The following ZNF701 variants were observed in gnomAD, a reference collection of about 807,000 sequenced individuals.
The protein encoded by ZNF701 is zinc finger protein 701.
ZNF701 carries 6 observed loss-of-function variants against 7.1 expected under a neutral mutation model. That is an observed-to-expected ratio of 0.84 (90% CI 0.46 to 1.66). The LOEUF (loss-of-function observed/expected upper bound fraction) is 1.66, where lower values mean the gene tolerates loss of function less well. ZNF701 is among the 40% of genes most tolerant of loss of function. ZNF701 has a pLI of 0.01. For missense variants in ZNF701, 541 were observed against 559.2 expected, an observed-to-expected ratio of 0.97 and a Z score of 0.33; for synonymous variants, 166 against 188.2, an observed-to-expected ratio of 0.88 and a Z score of 0.97.
chr19:52,597,109 A>C, the ZNF701 span: 7 of 1,006,280 alleles, frequency 7.0e-6, no homozygotes, highest in Non-Finnish European at 1.1e-5. Context: ...AAATGTGGTA[A>C]AATTTTCAGA....
chr19:52,580,602 A>T (rs2146991024), intron 3 of ZNF701, among the ~76,000 whole-genome samples: 1 of 152,270 alleles, frequency 6.6e-6, no homozygotes, highest in Admixed American at 6.5e-5. Flanking sequence ...CTTAACATGT[A>T]TTTCAATTCT....
chr19:52,571,929 G>T (rs1055103249), intron 1 of ZNF701, among the ~76,000 whole-genome samples: 5 of 151,932 alleles, frequency 3.3e-5, no homozygotes, highest in Non-Finnish European at 7.4e-5. Flanking sequence ...GTTCAAGCGA[G>T]TCTCCTGCCT....
intron 3 of ZNF701, among the ~76,000 whole-genome samples, chr19:52,579,121 A>G (rs114371582): frequency 0.062 from 8,963 of 143,782 alleles, 1,111 homozygotes; most frequent in African/African-American, 0.086. Flanking sequence ...AAAACACTGT[A>G]CATATATGTT....
chr19:52,595,140 C>T, the ZNF701 span, among the ~76,000 whole-genome samples: 1 of 152,094 alleles, frequency 6.6e-6, no homozygotes, highest in African/African-American at 2.4e-5. Context: ...CACCACCATG[C>T]CTGGCAAATT....
the ZNF701 span, chr19:52,596,162 A>G: frequency 1.4e-6 from 1 of 700,416 alleles, no homozygotes; most frequent in Non-Finnish European, 2.5e-6. Context: ...CTCATGTTTA[A>G]GGAGACATCA....
intron 2 of ZNF701, among the ~76,000 whole-genome samples, chr19:52,574,802 C>T (rs1245663286): frequency 6.6e-6 from 1 of 152,076 alleles, no homozygotes; most frequent in Non-Finnish European, 1.5e-5. Context: ...CTGATGGAGA[C>T]AGTGGTGTTA....
At chr19:52,573,909 C>T (rs569876646) in intron 1 of ZNF701, among the ~76,000 whole-genome samples, 168 bp from the exon 2 acceptor site, 2 of 152,202 alleles carry the variant, frequency 1.3e-5, no homozygotes, top group Non-Finnish European at 2.9e-5. Flanking sequence ...GAGGGCTTCT[C>T]CAGGAGGGAA....
At chr19:52,592,622 G>C in the ZNF701 span, among the ~76,000 whole-genome samples, 1 of 152,152 alleles carries the variant, frequency 6.6e-6, no homozygotes, top group Admixed American at 6.5e-5. Flanking sequence ...TTATGAGACA[G>C]AGTGTTGAAC....
intron 3 of ZNF701, among the ~76,000 whole-genome samples, chr19:52,576,531 C>G (rs1301719865): frequency 6.6e-6 from 1 of 152,092 alleles, no homozygotes; most frequent in African/African-American, 2.4e-5. Flanking sequence ...CAGAGCAAGA[C>G]TCTCTCTCAA....
chr19:52,572,449 A>G, intron 1 of ZNF701: 1 of 1,243,518 alleles, frequency 8.0e-7, no homozygotes. Context: ...AATGTTGGGA[A>G]TCAGTGGCAT....
chr19:52,579,899 AAAT>A (rs1454485317), intron 3 of ZNF701, among the ~76,000 whole-genome samples: 3 of 141,500 alleles, frequency 2.1e-5, no homozygotes, highest in Admixed American at 1.4e-4. Context: ...ATAAATAAAT[AAAT>A]AAAGTTTCAT....
At chr19:52,599,413 C>G in the ZNF701 span, among the ~76,000 whole-genome samples, 1 of 152,094 alleles carries the variant, frequency 6.6e-6, no homozygotes, top group Non-Finnish European at 1.5e-5. Flanking sequence ...GGTCAGGCAA[C>G]CTGAGTCCAG....
rs1312714887 is a variant in ZNF701, at chr19:52,586,180, C to G, written c.*2723C>G. ...CCTCAGCCTGCAGAGTAGCTGGGAC[C>G]ACAGCCGCGCGCCACCACACCGCGC... On this transcript the variant is annotated 3_prime_UTR_variant, in exon 4 of 4. Transcript: ENST00000391785. 6.6e-6 allele frequency: 1 copy of G among 152,104 alleles called. No individual in the cohort carries two copies. The highest frequency in any genetic ancestry group is 2.4e-5 in the African/African-American group (1 of 41,356). The allele number at this position is 152,104 out of a possible 1,614,324, so 9.4% of individuals were successfully genotyped here. A position where few individuals can be genotyped will look rare whatever the true frequency, so the allele number is the denominator to read the frequency against.
At chr19:52,574,224 G>A (rs1225193730) in intron 2 of ZNF701, 62 bp downstream of exon 2, 1 of 1,593,270 alleles carries the variant, frequency 6.3e-7, no homozygotes, top group African/African-American at 1.3e-5. Flanking sequence ...TGATCTTGGA[G>A]TTGGGAATCT....
rs1280778598 is a variant in ZNF701, at chr19:52,586,407, C to T, written c.*2950C>T. The T allele has an allele frequency of 6.6e-6, 1 of 152,018 alleles. No homozygotes were observed. Among genetic ancestry groups the T allele is most frequent in the Non-Finnish European group, 1.5e-5 (1 of 68,026 alleles). 9.4% of individuals were successfully genotyped at this position (152,018 alleles called of 1,614,324 possible). ...ACGCGGTGGCTCATGCCTGTCATCC[C>T]AGCACTTTGTGAGGCCGATTCTCCT... On this transcript the variant is annotated 3_prime_UTR_variant, in exon 4 of 4. Coordinates refer to ENST00000391785, the MANE Select transcript of ZNF701 (RefSeq NM_018260.3).
intron 3 of ZNF701, among the ~76,000 whole-genome samples, chr19:52,576,793 C>G (rs1004909787): frequency 6.6e-6 from 1 of 152,112 alleles, no homozygotes; most frequent in Admixed American, 6.6e-5. Flanking sequence ...TCCAGCACGT[C>G]TTAGTACTTT....
intron 3 of ZNF701, among the ~76,000 whole-genome samples, chr19:52,576,268 T>C (rs1178009754): frequency 6.6e-6 from 1 of 152,064 alleles, no homozygotes; most frequent in Non-Finnish European, 1.5e-5. Context: ...AGGCCAGGCG[T>C]GGTGGCTCAC....
chr19:52,571,845 C>T (rs540077065), intron 1 of ZNF701, among the ~76,000 whole-genome samples: 84 of 151,204 alleles, frequency 5.6e-4, no homozygotes, highest in African/African-American at 1.9e-3. Flanking sequence ...TTTTTTGAGA[C>T]GGAGTTTCGC....
chr19:52,574,102 T>C lies in ZNF701; in HGVS notation c.-46T>C, dbSNP rs2059917535. 5.6e-6 allele frequency: 9 copies of C among 1,612,138 alleles called. No individual in the cohort carries two copies. In the East Asian group the frequency reaches 1.8e-4, roughly 32 times the overall value. On this transcript the variant is annotated 5_prime_UTR_variant, in exon 2 of 4. Coordinates refer to ENST00000391785, the MANE Select transcript of ZNF701 (RefSeq NM_018260.3). ...GATTGACTTCTAAAGACTTGGTACG[T>C]GAGGAAAAAACACGGAAGAGGAAGA...
Sources: allele counts gnomAD v4.1 joint callset (sites outside exome capture counted in the v4.1 genomes callset), GRCh38; gene constraint gnomAD v4.1.1; transcripts MANE v1.5; gene names NCBI Gene and HGNC (gene_info 2026-07-23, HGNC 2026-07-21).